The following ELAVL4 variants were observed in gnomAD, a reference collection of about 807,000 sequenced individuals.
ELAVL4 encodes the protein ELAV like RNA binding protein 4.
In ELAVL4, 1 loss-of-function variant was observed where a neutral mutation model predicts 35.6. The observed-to-expected ratio is 0.03, with a 90% confidence interval of 0.01 to 0.13. ELAVL4 has a LOEUF of 0.13. Among genes scored for constraint, ELAVL4 ranks in the 10% least tolerant of loss-of-function variants. The pLI, the probability that ELAVL4 is intolerant of heterozygous loss-of-function variation, is 1.00. For missense variants in ELAVL4, 267 were observed against 464.9 expected (o/e 0.57, Z 3.91); for synonymous variants, 156 against 171.0 (o/e 0.91, Z 0.69).
In ELAVL4 at chr1:50,111,972, A is replaced by G. The variant is rs1269586367; in HGVS notation, c.9+2774A>G. ...TGATCAGGGAGCTAATTGTAAGCCCAAAAATGAGAGATTTAAAAATGCTGA... is the reference window on the plus strand; with the variant it reads ...TGATCAGGGAGCTAATTGTAAGCCCGAAAATGAGAGATTTAAAAATGCTGA... On this transcript the variant is annotated intron_variant, in intron 1 of 6. Transcript: ENST00000371824. 2.6e-5 allele frequency among the ~76,000 whole-genome samples: 4 copies of G among 152,168 alleles called. No homozygotes were observed. The East Asian group carries it at 7.7e-4, about 29-fold the overall frequency.
At chr1:50,102,344 T>G (rs1666032134), upstream of ELAVL4, among the ~76,000 whole-genome samples, 1 of 146,830 alleles carries the variant, frequency 6.8e-6, no homozygotes. Context: ...TAAAATAAAA[T>G]AAAATAAAAA....
In ELAVL4 at chr1:50,109,016, C is replaced by CTGGGGGGGGGGG; in HGVS notation, c.-174_-173insTGGGGGGGGGGG. 1.1e-6 allele frequency: 1 copy of CTGGGGGGGGGGG among 905,796 alleles called. No individual in the cohort carries two copies. Among genetic ancestry groups the CTGGGGGGGGGGG allele is most frequent in the Non-Finnish European group, 1.3e-6 (1 of 761,410 alleles). 56.1% of individuals were successfully genotyped at this position (905,796 alleles called of 1,614,324 possible). On this transcript the variant is annotated 5_prime_UTR_variant, in exon 1 of 7. Transcript: ENST00000371824. ...CTCCTTTTCTTTTTTTTCTTTCTCT[C>CTGGGGGGGGGGG]CCCCGCCCACCCCCCCAAAAATAAT...
chr1:50,060,686 C>G (rs1663916686), intron 1 of ELAVL4, among the ~76,000 whole-genome samples: 1 of 152,228 alleles, frequency 6.6e-6, no homozygotes, highest in African/African-American at 2.4e-5. Context: ...TTCCCACTGT[C>G]ACCTGCCAAG....
rs553411121 is a variant in ELAVL4 at position 50,168,392 on chromosome 1, A to G, written c.251-8697A>G. 5.5e-4 allele frequency among the ~76,000 whole-genome samples: 83 copies of G among 152,244 alleles called. 1 individual carries two copies. Among genetic ancestry groups the G allele is most frequent in the African/African-American group, 1.7e-3 (72 of 41,552 alleles). Reference sequence around the variant, plus strand: ...AGACACCTGGCGAGGCTGTGCATGCATCTTTAGTTGCGGGTCAGCCACTCA... The same window carrying G: ...AGACACCTGGCGAGGCTGTGCATGCGTCTTTAGTTGCGGGTCAGCCACTCA... On this transcript the variant is annotated intron_variant, in intron 2 of 6. Coordinates refer to ENST00000371824, the MANE Select transcript of ELAVL4 (RefSeq NM_001144774.3).
intron 1 of ELAVL4, among the ~76,000 whole-genome samples, chr1:50,124,044 A>G (rs1669475071): frequency 6.6e-6 from 1 of 152,130 alleles, no homozygotes; most frequent in African/African-American, 2.4e-5. Flanking sequence ...GTAGTCAGAT[A>G]TTAATTAGGT....
intron 1 of ELAVL4, among the ~76,000 whole-genome samples, chr1:50,095,611 C>T (rs1665688430): frequency 6.6e-6 from 1 of 152,088 alleles, no homozygotes; most frequent in Non-Finnish European, 1.5e-5. Context: ...TATATAGATA[C>T]TCTGTTAAGT....
chr1:50,131,428 T>C (rs994403231), intron 1 of ELAVL4, among the ~76,000 whole-genome samples: 6 of 152,252 alleles, frequency 3.9e-5, no homozygotes, highest in Admixed American at 6.5e-5. Flanking sequence ...TTTATTCTCT[T>C]ATAATCTAAA....
At chr1:50,068,622 C>A (rs1664374544) in intron 1 of ELAVL4, among the ~76,000 whole-genome samples, 1 of 152,166 alleles carries the variant, frequency 6.6e-6, no homozygotes, top group South Asian at 2.1e-4. Context: ...TTTTGAACTG[C>A]ATTTCTGACC....
At chr1:50,159,688 C>T (rs2480685) in intron 2 of ELAVL4, among the ~76,000 whole-genome samples, 152,017 of 152,280 alleles carry the variant, frequency 1, 75,878 homozygotes, top group Middle Eastern at 1. Flanking sequence ...AAAGGAATGG[C>T]ATAATATGGA....
upstream of ELAVL4, among the ~76,000 whole-genome samples, chr1:50,100,383 C>G (rs147422580): frequency 1.5e-3 from 230 of 152,244 alleles, 1 homozygote; most frequent in African/African-American, 4.9e-3. Context: ...TTCAGAGGAG[C>G]CTTCATAGGG....
intron 1 of ELAVL4, among the ~76,000 whole-genome samples, chr1:50,082,295 A>G (rs1216264801): frequency 6.6e-6 from 1 of 152,204 alleles, no homozygotes; most frequent in South Asian, 2.1e-4. Context: ...CACTCCTACC[A>G]TCAGTGTAAA....
At chr1:50,190,206 G>T (rs1429383720) in intron 3 of ELAVL4, among the ~76,000 whole-genome samples, 2 of 152,226 alleles carry the variant, frequency 1.3e-5, no homozygotes, top group African/African-American at 2.4e-5. Context: ...GGCAAGGGGG[G>T]TTCTCCAGGG....
intron 1 of ELAVL4, among the ~76,000 whole-genome samples, chr1:50,065,006 G>C (rs943511007): frequency 6.6e-6 from 1 of 151,960 alleles, no homozygotes; most frequent in Non-Finnish European, 1.5e-5. Flanking sequence ...TGGAACTGTC[G>C]GCTGGCAATT....
chr1:50,130,973 AT>A (rs1670751335), intron 1 of ELAVL4, among the ~76,000 whole-genome samples: 1 of 152,144 alleles, frequency 6.6e-6, no homozygotes, highest in Non-Finnish European at 1.5e-5. Context: ...ATGTGTTAAC[AT>A]TTTACTTTTT....
upstream of ELAVL4, chr1:50,103,817 T>C (rs949853149): frequency 3.9e-6 from 5 of 1,296,996 alleles, no homozygotes; most frequent in African/African-American, 1.5e-5. Flanking sequence ...GCTAATTCAA[T>C]TGAGGGGCAA....
chr1:50,138,012 G>T (rs1672170315), intron 1 of ELAVL4, among the ~76,000 whole-genome samples: 1 of 152,152 alleles, frequency 6.6e-6, no homozygotes, highest in South Asian at 2.1e-4. Flanking sequence ...TGAACCACCA[G>T]GTTCTATTCT....
At chr1:50,187,463 G>T (rs775443705) in intron 3 of ELAVL4, among the ~76,000 whole-genome samples, 1 of 152,196 alleles carries the variant, frequency 6.6e-6, no homozygotes, top group Non-Finnish European at 1.5e-5. Flanking sequence ...GCTCAGAAAG[G>T]TTAAGTGACT....
chr1:50,114,240 G>T (rs1303546649), intron 1 of ELAVL4, among the ~76,000 whole-genome samples: 1 of 152,026 alleles, frequency 6.6e-6, no homozygotes, highest in Non-Finnish European at 1.5e-5. Flanking sequence ...GTATATGTAT[G>T]GGGGGCGGTG....
intron 1 of ELAVL4, among the ~76,000 whole-genome samples, chr1:50,082,822 T>TCCTCCTTC (rs1665069765): frequency 2.0e-5 from 3 of 152,178 alleles, no homozygotes; most frequent in African/African-American, 7.2e-5. Context: ...CTGTCTCCTT[T>TCCTCCTTC]CCTCCTTCCC....
Sources: allele counts gnomAD v4.1 joint callset (sites outside exome capture counted in the v4.1 genomes callset), GRCh38; gene constraint gnomAD v4.1.1; transcripts MANE v1.5; gene names NCBI Gene and HGNC (gene_info 2026-07-23, HGNC 2026-07-21).